FAM171B: variants seen among roughly 807,000 people sequenced by gnomAD.
The protein encoded by FAM171B is protein FAM171B.
FAM171B carries 19 observed loss-of-function variants against 75.6 expected under a neutral mutation model. The observed-to-expected ratio is 0.25, with a 90% CI of 0.18 to 0.37. The LOEUF is 0.37. FAM171B is among the 10% of genes least tolerant of loss of function. FAM171B has a pLI of 1.00. For synonymous variants in FAM171B, 367 were observed against 361.7 expected (o/e 1.01, Z -0.17); for missense variants, 848 against 982.4 (o/e 0.86, Z 1.83).
intron 1 of FAM171B, among the ~76,000 whole-genome samples, chr2:186,710,099 T>C (rs1428866474): frequency 6.6e-6 from 1 of 152,210 alleles, no homozygotes. Flanking sequence ...AGTTTGTTCT[T>C]ATCACATAAA....
intron 1 of FAM171B, among the ~76,000 whole-genome samples, chr2:186,726,444 G>A (rs9967663): frequency 0.31 from 47,283 of 151,830 alleles, 8,197 homozygotes; most frequent in East Asian, 0.73. Context: ...ATGCTGCAGA[G>A]AGTAAACTGA....
At chr2:186,708,093 T>C (rs1238462019) in intron 1 of FAM171B, among the ~76,000 whole-genome samples, 2 of 152,150 alleles carry the variant, frequency 1.3e-5, no homozygotes, top group African/African-American at 4.8e-5. Flanking sequence ...TCGGTATAGA[T>C]AATTATTTGG....
chr2:186,719,217 G>A (rs1689916219), intron 1 of FAM171B, among the ~76,000 whole-genome samples: 1 of 152,188 alleles, frequency 6.6e-6, no homozygotes, highest in Admixed American at 6.5e-5. Context: ...CTACTTAAAT[G>A]AAATGCTGAC....
In FAM171B at chr2:186,728,874, A is replaced by T. The variant is rs182849466; in HGVS notation, c.239-11354A>T. On this transcript the variant is annotated intron_variant, in intron 1 of 7. Transcript: ENST00000304698. ...TCAGAGTCTCTTGAAAAGAAGTGGG[A>T]TTGTGATATTTTCAGCCCACCTACA... is the stretch of plus-strand genomic sequence containing the variant. Among the ~76,000 whole-genome samples the T allele has an allele frequency of 2.6e-5, 4 of 152,232 alleles. No individual in the cohort carries two copies. The East Asian group carries it at 7.7e-4, about 29-fold the overall frequency.
intron 6 of FAM171B, among the ~76,000 whole-genome samples, chr2:186,755,178 C>T (rs144128600): frequency 5.5e-4 from 83 of 152,226 alleles, no homozygotes; most frequent in Middle Eastern, 3.4e-3. Flanking sequence ...ATTCTCTAAC[C>T]TGCGGTAGTC....
At chr2:186,730,149 C>T (rs1469113404) in intron 1 of FAM171B, among the ~76,000 whole-genome samples, 2 of 152,136 alleles carry the variant, frequency 1.3e-5, no homozygotes, top group Non-Finnish European at 2.9e-5. Context: ...TTAATAGAGA[C>T]AGGGTTTTAC....
intron 1 of FAM171B, among the ~76,000 whole-genome samples, chr2:186,730,892 T>G (rs930042792): frequency 6.6e-6 from 1 of 152,210 alleles, no homozygotes; most frequent in Non-Finnish European, 1.5e-5. Flanking sequence ...GAGATTTATC[T>G]GTAAATCCAA....
intron 5 of FAM171B, 61 bp downstream of exon 5, chr2:186,751,365 A>G: frequency 7.2e-7 from 1 of 1,391,348 alleles, no homozygotes; most frequent in Non-Finnish European, 9.5e-7. Flanking sequence ...GACTAGCTGG[A>G]TGTTTTATCT....
At chr2:186,749,137 G>A (rs905664994) in intron 4 of FAM171B, among the ~76,000 whole-genome samples, 1 of 152,200 alleles carries the variant, frequency 6.6e-6, no homozygotes, top group African/African-American at 2.4e-5. Flanking sequence ...CCAGTGCACT[G>A]AGGAAGTTAA....
intron 1 of FAM171B, among the ~76,000 whole-genome samples, chr2:186,696,671 C>CA (rs1689585903): frequency 6.6e-6 from 1 of 151,586 alleles, no homozygotes; most frequent in African/African-American, 2.4e-5. Context: ...CAAGTGGACC[C>CA]AAGTGTTTGG....
chr2:186,716,544 C>T (rs1346360006), intron 1 of FAM171B, among the ~76,000 whole-genome samples: 19 of 152,152 alleles, frequency 1.2e-4, no homozygotes, highest in Non-Finnish European at 1.9e-4. Flanking sequence ...CATTAACTTA[C>T]TATGATTACT....
At chr2:186,740,128 G>C (rs1690266017) in intron 1 of FAM171B, 100 bp from the exon 2 acceptor site, 1 of 776,498 alleles carries the variant, frequency 1.3e-6, no homozygotes, top group Non-Finnish European at 2.1e-6. Context: ...TTTAACAACA[G>C]TTTTGTACTG....
chr2:186,761,054 C>T, intron 6 of FAM171B, 59 bp from the exon 7 acceptor site: 2 of 1,545,378 alleles, frequency 1.3e-6, no homozygotes, highest in Non-Finnish European at 1.8e-6. Flanking sequence ...CAGGATGTGA[C>T]ATAGTTGAGA....
At chr2:186,711,300 A>C (rs1574098555) in intron 1 of FAM171B, among the ~76,000 whole-genome samples, 1 of 152,168 alleles carries the variant, frequency 6.6e-6, no homozygotes, top group East Asian at 1.9e-4. Flanking sequence ...ATTTCCTACC[A>C]ACCTGGGGTC....
At chr2:186,746,165 C>G (rs967128179) in intron 3 of FAM171B, among the ~76,000 whole-genome samples, 2 of 152,146 alleles carry the variant, frequency 1.3e-5, no homozygotes, top group Non-Finnish European at 2.9e-5. Context: ...AATTCAAAAT[C>G]TGTTGATTAC....
chr2:186,757,403 A>AATAT (rs60383973), intron 6 of FAM171B, among the ~76,000 whole-genome samples: 18 of 149,856 alleles, frequency 1.2e-4, no homozygotes, highest in African/African-American at 3.2e-4. Context: ...ACAGAGACCA[A>AATAT]ATATATATAT....
intron 1 of FAM171B, among the ~76,000 whole-genome samples, chr2:186,733,988 T>C (rs1309362464): frequency 6.6e-6 from 1 of 152,186 alleles, no homozygotes; most frequent in African/African-American, 2.4e-5. Context: ...ATTTCAGCCC[T>C]GTATGTGTTA....
chr2:186,701,964 C>G (rs1689668275), intron 1 of FAM171B, among the ~76,000 whole-genome samples: 1 of 152,088 alleles, frequency 6.6e-6, no homozygotes, highest in African/African-American at 2.4e-5. Context: ...TCCTTTTGTC[C>G]AAGTTGCCTT....
At position 186,762,887 on chromosome 2, in the gene FAM171B, C is replaced by T; in HGVS notation, c.*64C>T. On this transcript the variant is annotated 3_prime_UTR_variant, in exon 8 of 8. Transcript: ENST00000304698. The surrounding 1 kb of genome is among the most constrained non-coding windows in gnomAD (Gnocchi z 4.0). ...TATTCTTGCTTCTTGTTGTAAATTG[C>T]AGTACGAACTTAAGAAAATGAGACT... The T allele has an allele frequency of 6.5e-7, 1 of 1,537,914 alleles. No individual in the cohort carries two copies.
Sources: allele counts gnomAD v4.1 joint callset (sites outside exome capture counted in the v4.1 genomes callset), GRCh38; gene constraint gnomAD v4.1.1; non-coding constraint Gnocchi (gnomAD v3.1); transcripts MANE v1.5; gene names NCBI Gene and HGNC (gene_info 2026-07-23, HGNC 2026-07-21).